The following ARHGAP6 variants were observed in gnomAD, a reference collection of about 807,000 sequenced individuals.
The protein encoded by ARHGAP6 is rho GTPase-activating protein 6.
A neutral mutation model predicts 55.7 loss-of-function variants in ARHGAP6; 16 were observed. The observed-to-expected ratio is 0.29, with a 90% CI of 0.19 to 0.44. The LOEUF (loss-of-function observed/expected upper bound fraction) is 0.44. Ranked by LOEUF, ARHGAP6 falls within the 20% of genes least tolerant of loss-of-function variation. ARHGAP6 has a pLI of 1.00. For missense variants in ARHGAP6, 698 were observed against 808.9 expected (o/e 0.86, Z 1.66); for synonymous variants, 382 against 360.9 (o/e 1.06, Z -0.66).
chrX:11,501,152 A>G (rs1331858210), intron 1 of ARHGAP6, among the ~76,000 whole-genome samples: 1 of 112,065 alleles, frequency 8.9e-6, no homozygotes, highest in Admixed American at 9.5e-5. Context: ...ATTATGTTCC[A>G]ATAAAACTTT....
intron 1 of ARHGAP6, among the ~76,000 whole-genome samples, chrX:11,406,301 C>A (rs1388251754): frequency 4.5e-5 from 5 of 111,203 alleles, no homozygotes; most frequent in African/African-American, 6.5e-5. Flanking sequence ...CATTGCTGAT[C>A]CCCTGGCAAC....
intron 1 of ARHGAP6, among the ~76,000 whole-genome samples, chrX:11,599,323 T>C (rs1415066416): frequency 8.9e-6 from 1 of 111,920 alleles, no homozygotes; most frequent in East Asian, 2.8e-4. Flanking sequence ...TTTTTAAATT[T>C]ATAATTGCTC....
At chrX:11,413,256 G>A (rs2049709250) in intron 1 of ARHGAP6, among the ~76,000 whole-genome samples, 1 of 112,375 alleles carries the variant, frequency 8.9e-6, no homozygotes, top group African/African-American at 3.2e-5. Flanking sequence ...TTGAACCTCA[G>A]TGAGACCCTC....
intron 1 of ARHGAP6, among the ~76,000 whole-genome samples, chrX:11,642,378 C>T (rs1038999678): frequency 4.5e-5 from 5 of 111,753 alleles, no homozygotes; most frequent in African/African-American, 6.5e-5. Context: ...ATTTGCCAAA[C>T]GTGCCTAAGC....
chrX:11,315,743 T>C (rs1330938172), intron 1 of ARHGAP6, among the ~76,000 whole-genome samples: 1 of 112,322 alleles, frequency 8.9e-6, no homozygotes, highest in Admixed American at 9.4e-5. Flanking sequence ...TTTGAGTGTC[T>C]ATCACCTCTC....
At chrX:11,341,990 C>A (rs1015971538) in intron 1 of ARHGAP6, among the ~76,000 whole-genome samples, 1 of 82,152 alleles carries the variant, frequency 1.2e-5, no homozygotes, top group Admixed American at 1.7e-4. Flanking sequence ...TCCATTAGAA[C>A]GTGTTGATGG....
chrX:11,346,641 G>A (rs2048787614), intron 1 of ARHGAP6, among the ~76,000 whole-genome samples: 2 of 108,863 alleles, frequency 1.8e-5, no homozygotes, highest in African/African-American at 6.7e-5. Context: ...CCCAGGAGGT[G>A]GAGGTTTCAG....
chrX:11,618,706 T>C (rs911508407), intron 1 of ARHGAP6, among the ~76,000 whole-genome samples: 1 of 112,479 alleles, frequency 8.9e-6, no homozygotes, highest in Non-Finnish European at 1.9e-5. Context: ...ACTTGCTTCA[T>C]ACACAATACC....
At chrX:11,572,842 C>T (rs1244866442) in intron 1 of ARHGAP6, among the ~76,000 whole-genome samples, 1 of 111,611 alleles carries the variant, frequency 9.0e-6, no homozygotes, top group East Asian at 2.8e-4. Context: ...ATATCCTCTC[C>T]AGCACCTGTT....
At chrX:11,499,858 G>T (rs759399202) in intron 1 of ARHGAP6, among the ~76,000 whole-genome samples, 1 of 111,837 alleles carries the variant, frequency 8.9e-6, no homozygotes, top group Non-Finnish European at 1.9e-5. Context: ...ATTCAGATTT[G>T]CCAAGTGTGA....
intron 3 of ARHGAP6, among the ~76,000 whole-genome samples, chrX:11,192,997 T>C: frequency 8.9e-6 from 1 of 112,741 alleles, no homozygotes; most frequent in Middle Eastern, 4.6e-3. Context: ...GGACTTGGAA[T>C]TATTCTGTAT....
intron 1 of ARHGAP6, among the ~76,000 whole-genome samples, chrX:11,291,438 G>C (rs1351898715): frequency 9.0e-6 from 1 of 110,834 alleles, no homozygotes; most frequent in Non-Finnish European, 1.9e-5. Context: ...TAGAAGGTGA[G>C]AAAAAGTATA....
rs1314724431 is a variant in ARHGAP6, at chrX:11,170,281, A to G, written c.1630-597T>C. Reference sequence around the variant, plus strand: ...GCGGAAGCATTTGCACAAACTCTCAAAAGAAGAATAGAGTTTGCTAGGCTG... The same window carrying G: ...GCGGAAGCATTTGCACAAACTCTCAGAAGAAGAATAGAGTTTGCTAGGCTG... On this transcript the variant is annotated intron_variant, in intron 8 of 12. Transcript: ENST00000337414. Among the ~76,000 whole-genome samples, 3 of 111,893 alleles carry G rather than the reference A, an allele frequency of 2.7e-5. No individual in the cohort carries two copies. The East Asian group carries it at 8.4e-4, about 31-fold the overall frequency.
chrX:11,381,674 C>G (rs188590027), intron 1 of ARHGAP6, among the ~76,000 whole-genome samples: 21 of 111,968 alleles, frequency 1.9e-4, no homozygotes, highest in African/African-American at 6.8e-4. Flanking sequence ...AACTTTCTCA[C>G]AGAGTCACAC....
At chrX:11,387,894 T>C (rs2049350630) in intron 1 of ARHGAP6, among the ~76,000 whole-genome samples, 1 of 112,038 alleles carries the variant, frequency 8.9e-6, no homozygotes, top group Non-Finnish European at 1.9e-5. Flanking sequence ...CATTGTTTTT[T>C]ATGGCTGCAT....
At chrX:11,285,711 G>C (rs1021219469) in intron 1 of ARHGAP6, among the ~76,000 whole-genome samples, 1 of 112,129 alleles carries the variant, frequency 8.9e-6, no homozygotes, top group African/African-American at 3.2e-5. Context: ...AACTAGAAAG[G>C]ACCACAGTCA....
At chrX:11,591,244 A>G (rs1269851995) in intron 1 of ARHGAP6, among the ~76,000 whole-genome samples, 1 of 110,073 alleles carries the variant, frequency 9.1e-6, no homozygotes, top group Non-Finnish European at 1.9e-5. Context: ...ATTCCAGCGT[A>G]GCAGTCAAAT....
intron 1 of ARHGAP6, among the ~76,000 whole-genome samples, chrX:11,446,782 T>G (rs1183276339): frequency 8.9e-6 from 1 of 112,346 alleles, no homozygotes; most frequent in African/African-American, 3.2e-5. Flanking sequence ...TAACTTCGAT[T>G]GACATTTTGA....
chrX:11,522,440 TC>T (rs1222786620), intron 1 of ARHGAP6, among the ~76,000 whole-genome samples: 1 of 110,958 alleles, frequency 9.0e-6, no homozygotes, highest in African/African-American at 3.3e-5. Context: ...AATCAACGAA[TC>T]CAGGAGCTGG....
Sources: gnomAD v4.1 joint callset for allele counts (sites outside exome capture counted in the v4.1 genomes callset) on GRCh38, gnomAD v4.1.1 for gene constraint, MANE v1.5 for transcripts, NCBI Gene and HGNC (gene_info 2026-07-23, HGNC 2026-07-21) for gene names.